DCAF4: variants seen among roughly 807,000 people sequenced by gnomAD.
DCAF4 encodes DDB1- and CUL4-associated factor 4.
DCAF4 carries 37 observed loss-of-function variants against 60.9 expected under a neutral mutation model. The ratio of observed to expected loss-of-function variants is 0.61; its 90% confidence interval spans 0.47 to 0.80. DCAF4 has a LOEUF of 0.80. DCAF4 is among the 30% of genes least tolerant of loss of function. DCAF4 has a pLI of 0.00. For missense variants in DCAF4, 577 were observed against 650.0 expected (o/e 0.89, Z 1.22); for synonymous variants, 243 against 254.8 (o/e 0.95, Z 0.44).
At chr14:72,942,502 C>A (rs1402940620) in intron 5 of DCAF4, 1 of 157,054 alleles carries the variant, frequency 6.4e-6, no homozygotes, top group Non-Finnish European at 1.4e-5. Context: ...CCAGAAACAC[C>A]GTAGGTATCA....
intron 8 of DCAF4, 100 bp downstream of exon 8, chr14:72,947,291 G>C: frequency 1.5e-6 from 2 of 1,347,470 alleles, no homozygotes; most frequent in South Asian, 2.3e-5. Context: ...AGTGACCAGA[G>C]GACTAGACCC....
Position 72,954,453 on chromosome 14 carries a change from T to C in DCAF4, c.975T>C (p.Ser325=), listed in dbSNP as rs1892000222. Residue 325 remains serine (S), a synonymous_variant, in exon 11 of 14, where the codon AGT becomes AGC. Coordinates refer to ENST00000358377, the MANE Select transcript of DCAF4 (RefSeq NM_015604.4). ...ACCGGCAGTCCTTTGGGACCAACAG[T>C]GATGTCTTGGCCCAGCAGTTTGCTC... The part of the protein sequence containing the change: ...TGHRQSFGTN[S]DVLAQQFALM... 6.2e-7 allele frequency: 1 copy of C among 1,614,170 alleles called. No homozygotes were observed. Among genetic ancestry groups the C allele is most frequent in the Non-Finnish European group, 8.5e-7 (1 of 1,180,034 alleles).
chr14:72,934,230 G>A (rs539380621), intron 1 of DCAF4, among the ~76,000 whole-genome samples: 102 of 150,524 alleles, frequency 6.8e-4, no homozygotes, highest in Admixed American at 5.7e-3. Flanking sequence ...CTCGGCTCAC[G>A]GCAACCTCCA....
chr14:72,938,733 A>T (rs1339463120), intron 2 of DCAF4, among the ~76,000 whole-genome samples: 3 of 152,082 alleles, frequency 2.0e-5, no homozygotes, highest in Admixed American at 6.5e-5. Context: ...CAGTAAAAAT[A>T]GGGTATATAA....
intron 9 of DCAF4, among the ~76,000 whole-genome samples, chr14:72,952,296 A>C (rs1480846454): frequency 6.6e-6 from 1 of 152,218 alleles, no homozygotes; most frequent in African/African-American, 2.4e-5. Flanking sequence ...AATTAGGATC[A>C]ATAAGACCAG....
chr14:72,953,778 TTATTTG>T lies in DCAF4; in HGVS notation c.809-384_809-379del, dbSNP rs1446138001. On this transcript the variant is annotated intron_variant, in intron 9 of 13. Transcript: ENST00000358377. ...ATATATATATAGTTTATTTATTTAT[TTATTTG>T]TGTGTGTGTGTGTGTGTGTGTGTGT... is the stretch of plus-strand genomic sequence containing the variant. Among the ~76,000 whole-genome samples the T allele has an allele frequency of 6.1e-3, 199 of 32,362 alleles. 3 individuals carry two copies. Among genetic ancestry groups the T allele is most frequent in the African/African-American group, 0.013 (128 of 10,036 alleles). The allele number at this position is 32,362 out of a possible 152,430, so 21.2% of individuals were successfully genotyped here.
intron 1 of DCAF4, among the ~76,000 whole-genome samples, chr14:72,928,976 C>CA (rs1423689176): frequency 1.0e-5 from 1 of 96,776 alleles, no homozygotes; most frequent in Non-Finnish European, 2.4e-5. Flanking sequence ...GCCTACCTCC[C>CA]AGGGGAGGCG....
At chr14:72,945,050 C>T (rs971259738) in intron 6 of DCAF4, among the ~76,000 whole-genome samples, 2 of 151,928 alleles carry the variant, frequency 1.3e-5, no homozygotes, top group African/African-American at 4.8e-5. Context: ...GGTGGTGCCA[C>T]TGTACTTCAG....
chr14:72,961,305 C>T (rs1045939126), downstream of DCAF4, among the ~76,000 whole-genome samples: 2 of 152,184 alleles, frequency 1.3e-5, no homozygotes, highest in African/African-American at 4.8e-5. Context: ...CTCTGAAGCC[C>T]CTGTTCCCCT....
chr14:72,927,580 T>C (rs1183164757), intron 1 of DCAF4, among the ~76,000 whole-genome samples: 28 of 151,956 alleles, frequency 1.8e-4, no homozygotes, highest in Non-Finnish European at 3.8e-4. Flanking sequence ...CTCGATCTCC[T>C]GACCTCGTGA....
intron 13 of DCAF4, chr14:72,958,106 C>T (rs2806033): frequency 0.51 from 82,374 of 160,466 alleles, 22,047 homozygotes; most frequent in South Asian, 0.62. Flanking sequence ...CAGCAAGACC[C>T]TATCTCAAAA....
intron 1 of DCAF4, among the ~76,000 whole-genome samples, chr14:72,928,121 A>G (rs1014728034): frequency 6.8e-6 from 1 of 146,800 alleles, no homozygotes; most frequent in African/African-American, 2.5e-5. Context: ...CTTTGTATTC[A>G]GCTTTACAGA....
rs777487700 is a variant in DCAF4 at position 72,947,046 on chromosome 14, G to A, written c.679-96G>A. 4.4e-5 allele frequency: 65 copies of A among 1,489,482 alleles called. 1 individual carries two copies. The highest frequency in any genetic ancestry group is 2.7e-4 in the South Asian group (24 of 88,224). 92.3% of individuals were successfully genotyped at this position (1,489,482 alleles called of 1,614,324 possible). A position where few individuals can be genotyped will look rare whatever the true frequency, so the allele number is the denominator to read the frequency against. ...CATTTGAAGAGGAGCAGGACGTGAAGAGAGAAGTCACACGTCTGTGTCCCC... is the reference window on the plus strand; with the variant it reads ...CATTTGAAGAGGAGCAGGACGTGAAAAGAGAAGTCACACGTCTGTGTCCCC... On this transcript the variant is annotated intron_variant, in intron 7 of 13. Transcript: ENST00000358377.
chr14:72,929,784 C>T (rs993770813), intron 1 of DCAF4: 1 of 1,076,562 alleles, frequency 9.3e-7, no homozygotes, highest in African/African-American at 1.6e-5. Context: ...CGAAGCGAAG[C>T]CACACACCTC....
At chr14:72,949,934 G>T (rs1174123787) in intron 8 of DCAF4, among the ~76,000 whole-genome samples, 2 of 152,186 alleles carry the variant, frequency 1.3e-5, no homozygotes, top group African/African-American at 2.4e-5. Flanking sequence ...AGTGTAGGAG[G>T]AAAGCTGCAT....
intron 1 of DCAF4, among the ~76,000 whole-genome samples, chr14:72,934,199 G>A (rs1888957379): frequency 6.7e-6 from 1 of 149,942 alleles, no homozygotes; most frequent in African/African-American, 2.5e-5. Context: ...GTTGCTCAAG[G>A]CTGGAGTGCA....
At chr14:72,938,362 G>A (rs985755028) in intron 2 of DCAF4, among the ~76,000 whole-genome samples, 2 of 152,134 alleles carry the variant, frequency 1.3e-5, no homozygotes, top group Non-Finnish European at 2.9e-5. Flanking sequence ...TAAAGCTAGA[G>A]GTAGACGTTA....
intron 9 of DCAF4, among the ~76,000 whole-genome samples, chr14:72,952,168 C>G (rs1205181711): frequency 6.6e-6 from 1 of 152,240 alleles, no homozygotes; most frequent in African/African-American, 2.4e-5. Context: ...GAAAACACCT[C>G]TGAAGGTCCA....
Position 72,959,175 on chromosome 14 carries a change from G to A in DCAF4, c.*370G>A, listed in dbSNP as rs1892669571. The A allele has an allele frequency of 1.0e-6, 1 of 998,742 alleles. No individual in the cohort carries two copies. The highest frequency in any genetic ancestry group is 1.2e-6 in the Non-Finnish European group (1 of 838,734). The allele number at this position is 998,742 out of a possible 1,614,324, so 61.9% of individuals were successfully genotyped here. On this transcript the variant is annotated 3_prime_UTR_variant, in exon 14 of 14. Coordinates refer to ENST00000358377, the MANE Select transcript of DCAF4 (RefSeq NM_015604.4). ...GAGCCCATTGAAGAAGCCCAGTGAT[G>A]AGACGGTGAGATGGTTTGAGTCCTC...
Sources: allele counts gnomAD v4.1 joint callset (sites outside exome capture counted in the v4.1 genomes callset), GRCh38; gene constraint gnomAD v4.1.1; transcripts MANE v1.5; gene names NCBI Gene and HGNC (gene_info 2026-07-23, HGNC 2026-07-21).